ARL13B: variants seen among roughly 807,000 people sequenced by gnomAD.
ARL13B encodes ARF like GTPase 13B.
ARL13B carries 36 observed loss-of-function variants against 56.1 expected under a neutral mutation model. The ratio of observed to expected loss-of-function variants is 0.64; its 90% CI spans 0.49 to 0.85. ARL13B has a LOEUF of 0.85. Among genes scored for constraint, ARL13B ranks in the 40% least tolerant of loss-of-function variants. ARL13B has a pLI of 0.00. For synonymous variants in ARL13B, 178 were observed against 171.1 expected, an observed-to-expected ratio of 1.04 and a Z score of -0.32; for missense variants, 519 against 507.1, an observed-to-expected ratio of 1.02 and a Z score of -0.23.
At chr3:93,992,235 C>G (rs1260192805) in intron 1 of ARL13B, among the ~76,000 whole-genome samples, 1 of 151,552 alleles carries the variant, frequency 6.6e-6, no homozygotes, top group African/African-American at 2.4e-5. Context: ...GTGAGGTGCT[C>G]TATATAATAG....
intron 1 of ARL13B, among the ~76,000 whole-genome samples, chr3:93,991,310 C>A (rs1274301880): frequency 6.6e-6 from 1 of 152,164 alleles, no homozygotes; most frequent in Admixed American, 6.5e-5. Context: ...TGTTGTCATA[C>A]AGCACCACAG....
intron 3 of ARL13B, chr3:94,014,696 C>G: frequency 6.2e-7 from 1 of 1,612,996 alleles, no homozygotes; most frequent in Non-Finnish European, 8.5e-7. Flanking sequence ...TTAAAAACTT[C>G]CCATTTTCCT....
At chr3:94,016,464 G>A (rs532531583) in intron 3 of ARL13B, among the ~76,000 whole-genome samples, 52 of 151,966 alleles carry the variant, frequency 3.4e-4, no homozygotes, top group Admixed American at 2.9e-3. Flanking sequence ...GTACAGGGTA[G>A]GGATTCAAAT....
chr3:94,014,566 T>C, intron 3 of ARL13B: 1 of 1,612,222 alleles, frequency 6.2e-7, no homozygotes. Context: ...AAGAGATATC[T>C]GAATGAAAAG....
In ARL13B at chr3:94,053,978, T is replaced by G; in HGVS notation, c.*715T>G. On this transcript the variant is annotated 3_prime_UTR_variant, in exon 10 of 10. Transcript: ENST00000394222. ...ATCTTTATTCTAACAATTACATGAT[T>G]TGAAAACAGTACTCAATGAGACTGG... The G allele has an allele frequency of 2.8e-6, 1 of 363,498 alleles. No homozygotes were observed. Among genetic ancestry groups the G allele is most frequent in the South Asian group, 2.1e-5 (1 of 46,986 alleles). The allele number at this position is 363,498 out of a possible 1,614,324, so 22.5% of individuals were successfully genotyped here. A position where few individuals can be genotyped will look rare whatever the true frequency, so the allele number is the denominator to read the frequency against.
chr3:94,019,442 A>G (rs2076402480), intron 3 of ARL13B, among the ~76,000 whole-genome samples: 1 of 149,782 alleles, frequency 6.7e-6, no homozygotes, highest in Admixed American at 6.6e-5. Context: ...TGATCCGCCC[A>G]TCTTGGCTTC....
At chr3:94,013,023 A>T (rs2076252259) in intron 3 of ARL13B, among the ~76,000 whole-genome samples, 1 of 152,082 alleles carries the variant, frequency 6.6e-6, no homozygotes, top group African/African-American at 2.4e-5. Flanking sequence ...GCCCTTGCTG[A>T]CCTTTCTTAA....
At chr3:93,983,529 C>T (rs148679808) in intron 1 of ARL13B, among the ~76,000 whole-genome samples, 11 of 152,286 alleles carry the variant, frequency 7.2e-5, no homozygotes, top group African/African-American at 2.2e-4. Context: ...AGAGAAAACA[C>T]AGTTTCTACT....
chr3:94,052,869 AATTGG>A (rs1276776698), intron 9 of ARL13B, among the ~76,000 whole-genome samples: 1 of 152,094 alleles, frequency 6.6e-6, no homozygotes, highest in Non-Finnish European at 1.5e-5. Flanking sequence ...AAGGAATGGA[AATTGG>A]ATTGGAGAGT....
chr3:94,006,881 A>G (rs1351377700), intron 3 of ARL13B, among the ~76,000 whole-genome samples: 1 of 152,156 alleles, frequency 6.6e-6, no homozygotes, highest in African/African-American at 2.4e-5. Flanking sequence ...CTGTATAATA[A>G]GTAGAAAAGA....
intron 3 of ARL13B, chr3:94,015,011 G>C (rs751522765): frequency 4.5e-5 from 73 of 1,613,878 alleles, no homozygotes; most frequent in Non-Finnish European, 5.4e-5. Context: ...CTCTTAAGTA[G>C]ACTAAACCTT....
At chr3:93,981,016 T>C (rs1393659067) in intron 1 of ARL13B, among the ~76,000 whole-genome samples, 1 of 152,218 alleles carries the variant, frequency 6.6e-6, no homozygotes, top group Non-Finnish European at 1.5e-5. Flanking sequence ...TTTAGAAATA[T>C]TGTATTCAAT....
chr3:93,983,870 G>T (rs1473415768), intron 1 of ARL13B, among the ~76,000 whole-genome samples: 1 of 152,064 alleles, frequency 6.6e-6, no homozygotes. Flanking sequence ...GGGTTTAGGA[G>T]CACTGAACCC....
chr3:94,037,804 T>A (rs2076794513), intron 5 of ARL13B, among the ~76,000 whole-genome samples: 1 of 152,096 alleles, frequency 6.6e-6, no homozygotes, highest in Non-Finnish European at 1.5e-5. Flanking sequence ...TTGAGTTGGA[T>A]AAAAGAAATC....
At chr3:93,993,024 C>T (rs1324720896) in intron 1 of ARL13B, among the ~76,000 whole-genome samples, 6 of 149,710 alleles carry the variant, frequency 4.0e-5, no homozygotes, top group East Asian at 2.0e-4. Context: ...AGGCTAGTCT[C>T]GAACGCCTGA....
At chr3:94,022,146 A>G (rs113356170) in intron 3 of ARL13B, among the ~76,000 whole-genome samples, 1,740 of 151,996 alleles carry the variant, frequency 0.011, 19 homozygotes, top group Non-Finnish European at 0.02. Context: ...TTTTTGAGAC[A>G]GAGTTTCGCT....
intron 3 of ARL13B, among the ~76,000 whole-genome samples, chr3:94,008,914 G>C (rs546035056): frequency 6.6e-6 from 1 of 152,234 alleles, no homozygotes; most frequent in East Asian, 1.9e-4. Flanking sequence ...CAAATTGAAT[G>C]ATTACAGCAA....
At chr3:94,019,807 G>C (rs1255816548) in intron 3 of ARL13B, among the ~76,000 whole-genome samples, 1 of 152,160 alleles carries the variant, frequency 6.6e-6, no homozygotes, top group Non-Finnish European at 1.5e-5. Flanking sequence ...TGTCCTTGCT[G>C]TTCTCACACA....
intron 3 of ARL13B, among the ~76,000 whole-genome samples, chr3:94,033,281 T>C (rs1178225006): frequency 1.3e-5 from 2 of 152,178 alleles, no homozygotes; most frequent in Admixed American, 6.5e-5. Flanking sequence ...ATTAAGCTTA[T>C]GGTTACACTG....
Sources: allele counts gnomAD v4.1 joint callset (sites outside exome capture counted in the v4.1 genomes callset), GRCh38; gene constraint gnomAD v4.1.1; transcripts MANE v1.5; gene names NCBI Gene and HGNC (gene_info 2026-07-23, HGNC 2026-07-21).